Variants in TMEM132B observed in about 807,000 individuals in gnomAD.
The protein encoded by TMEM132B is transmembrane protein 132B.
In TMEM132B, 18 loss-of-function variants were observed where a neutral mutation model predicts 90.8. The observed-to-expected ratio is 0.20, with a 90% CI of 0.14 to 0.29. TMEM132B has a LOEUF of 0.29. TMEM132B is among the 10% of genes least tolerant of loss of function. TMEM132B has a pLI of 1.00. For missense variants in TMEM132B, 1,096 were observed against 1,326.8 expected (o/e 0.83, Z 2.70); for synonymous variants, 504 against 523.3 (o/e 0.96, Z 0.50).
At chr12:125,376,299 G>A (rs1878479404) in intron 2 of TMEM132B, among the ~76,000 whole-genome samples, 1 of 152,064 alleles carries the variant, frequency 6.6e-6, no homozygotes, top group South Asian at 2.1e-4. Context: ...CACTTCAAGT[G>A]CTGATATATT....
At chr12:125,474,054 CT>C in intron 3 of TMEM132B, among the ~76,000 whole-genome samples, 1 of 112,632 alleles carries the variant, frequency 8.9e-6, no homozygotes, top group Admixed American at 1.0e-4. Flanking sequence ...TTCCTTCTTT[CT>C]TTTTCCTTTC....
Position 125,396,162 on chromosome 12 carries a change from G to A in TMEM132B, c.960-19369G>A, listed in dbSNP as rs114811372. ...CCTCAATGGGAAATACAAGCACTGTGTAGGAGTAGGGGCTGGATGCTGGGC... is the reference window on the plus strand; with the variant it reads ...CCTCAATGGGAAATACAAGCACTGTATAGGAGTAGGGGCTGGATGCTGGGC... On this transcript the variant is annotated intron_variant, in intron 2 of 8. Coordinates refer to ENST00000682704, the MANE Select transcript of TMEM132B (RefSeq NM_001366854.1). Among the ~76,000 whole-genome samples, 552 of 152,350 alleles carry A rather than the reference G, an allele frequency of 3.6e-3. 4 individuals carry two copies. The highest frequency in any genetic ancestry group is 0.012 in the African/African-American group (510 of 41,588).
intron 1 of TMEM132B, among the ~76,000 whole-genome samples, chr12:125,243,539 C>T (rs900115540): frequency 2.0e-5 from 3 of 152,140 alleles, no homozygotes; most frequent in Non-Finnish European, 2.9e-5. Flanking sequence ...CTCCTGACCT[C>T]GAGTGATCTG....
intron 3 of TMEM132B, among the ~76,000 whole-genome samples, chr12:125,443,120 G>T (rs184690306): frequency 2.4e-4 from 37 of 152,310 alleles, no homozygotes; most frequent in African/African-American, 8.7e-4. Flanking sequence ...GCATTTCGGG[G>T]AGCTGTGTCT....
intron 1 of TMEM132B, among the ~76,000 whole-genome samples, chr12:125,239,736 C>T (rs767986426): frequency 6.6e-6 from 1 of 152,198 alleles, no homozygotes; most frequent in Non-Finnish European, 1.5e-5. Flanking sequence ...CTCATCCTCC[C>T]GGCGAGCGCT....
chr12:125,192,668 C>T (rs1034772662), intron 1 of TMEM132B, among the ~76,000 whole-genome samples: 1 of 152,182 alleles, frequency 6.6e-6, no homozygotes, highest in Non-Finnish European at 1.5e-5. Flanking sequence ...CTAAAGTCCA[C>T]CTCCTCATTC....
chr12:125,316,662 C>G (rs1245951858), intron 1 of TMEM132B, among the ~76,000 whole-genome samples: 1 of 141,664 alleles, frequency 7.1e-6, no homozygotes, highest in Non-Finnish European at 1.5e-5. Flanking sequence ...ATATAAAGAC[C>G]TGGGGCAGCT....
At chr12:125,430,422 C>G (rs1033231195) in intron 3 of TMEM132B, among the ~76,000 whole-genome samples, 1 of 152,004 alleles carries the variant, frequency 6.6e-6, no homozygotes, top group Non-Finnish European at 1.5e-5. Context: ...ATAGTGTGGG[C>G]GGAAACCCGG....
At chr12:125,435,936 G>C (rs376305861) in intron 3 of TMEM132B, among the ~76,000 whole-genome samples, 1 of 152,076 alleles carries the variant, frequency 6.6e-6, no homozygotes, top group Non-Finnish European at 1.5e-5. Context: ...AGAGGGTCTC[G>C]GTGCTGATGT....
chr12:125,362,927 C>G (rs1878007621), intron 2 of TMEM132B, among the ~76,000 whole-genome samples: 1 of 152,152 alleles, frequency 6.6e-6, no homozygotes, highest in Admixed American at 6.5e-5. Context: ...TTCTCATGCC[C>G]CATTCTTTGT....
chr12:125,353,416 G>A (rs1992892), intron 2 of TMEM132B, among the ~76,000 whole-genome samples: 95,842 of 152,046 alleles, frequency 0.63, 31,460 homozygotes, highest in South Asian at 0.76. Flanking sequence ...TAGAGGAAAA[G>A]GAGGGCAGAT....
intron 6 of TMEM132B, 107 bp downstream of exon 6, chr12:125,644,388 C>G: frequency 3.2e-6 from 4 of 1,255,358 alleles, no homozygotes; most frequent in Non-Finnish European, 4.4e-6. Flanking sequence ...GCAACATCCA[C>G]AGCGGGAAGC....
intron 3 of TMEM132B, among the ~76,000 whole-genome samples, chr12:125,496,276 G>A (rs1882557463): frequency 6.6e-6 from 1 of 152,098 alleles, no homozygotes; most frequent in Non-Finnish European, 1.5e-5. Context: ...TACATTTTCT[G>A]GAAAGATTAG....
intron 1 of TMEM132B, among the ~76,000 whole-genome samples, chr12:125,200,626 T>C (rs995830141): frequency 6.6e-6 from 1 of 152,180 alleles, no homozygotes; most frequent in Non-Finnish European, 1.5e-5. Context: ...TGGGTAGGGA[T>C]CAGCACCCAC....
chr12:125,190,471 G>A (rs1957791454), intron 1 of TMEM132B, among the ~76,000 whole-genome samples: 3 of 137,282 alleles, frequency 2.2e-5, no homozygotes, highest in Non-Finnish European at 3.1e-5. Context: ...TGGGAAAGGG[G>A]TGGTGGTGGG....
chr12:125,508,752 A>T (rs1204217844), intron 3 of TMEM132B, among the ~76,000 whole-genome samples: 1 of 122,332 alleles, frequency 8.2e-6, no homozygotes, highest in Non-Finnish European at 1.8e-5. Flanking sequence ...AAGTAATTAG[A>T]GTTTTCTTTT....
At chr12:125,491,816 A>G (rs1342946671) in intron 3 of TMEM132B, among the ~76,000 whole-genome samples, 1 of 152,172 alleles carries the variant, frequency 6.6e-6, no homozygotes, top group Non-Finnish European at 1.5e-5. Context: ...AAACAGCATC[A>G]AAGTGCATCA....
intron 2 of TMEM132B, among the ~76,000 whole-genome samples, chr12:125,372,168 A>G (rs1347861740): frequency 6.6e-6 from 1 of 152,258 alleles, no homozygotes; most frequent in Non-Finnish European, 1.5e-5. Flanking sequence ...CTTGGAATCT[A>G]GCATTTATCC....
intron 6 of TMEM132B, among the ~76,000 whole-genome samples, chr12:125,646,757 G>C (rs1045300722): frequency 4.6e-5 from 7 of 152,070 alleles, no homozygotes; most frequent in Non-Finnish European, 1.0e-4. Context: ...CTGCACCCAG[G>C]GTTTCCTGTC....
Sources: gnomAD v4.1 joint callset for allele counts (sites outside exome capture counted in the v4.1 genomes callset) on GRCh38, gnomAD v4.1.1 for gene constraint, MANE v1.5 for transcripts, NCBI Gene and HGNC (gene_info 2026-07-23, HGNC 2026-07-21) for gene names.